CPVL: variants seen among roughly 807,000 people sequenced by gnomAD.
CPVL encodes the protein probable serine carboxypeptidase CPVL.
In CPVL, 51 loss-of-function variants were observed where a neutral mutation model predicts 63.7. That is an observed-to-expected ratio of 0.80 (90% confidence interval 0.64 to 1.01). The LOEUF is 1.01. Among genes scored for constraint, CPVL ranks in the 50% least tolerant of loss-of-function variants. The pLI, the probability that CPVL is intolerant of heterozygous loss-of-function variation, is 0.00. For missense variants in CPVL, 530 were observed against 573.1 expected, an observed-to-expected ratio of 0.92 and a Z score of 0.77; for synonymous variants, 195 against 206.0, an observed-to-expected ratio of 0.95 and a Z score of 0.46.
chr7:29,053,915 A>G (rs1008359489), intron 11 of CPVL, among the ~76,000 whole-genome samples: 3 of 151,794 alleles, frequency 2.0e-5, no homozygotes, highest in African/African-American at 4.8e-5. Flanking sequence ...AGAAAGAAAA[A>G]AGAAAAAGAA....
intron 9 of CPVL, among the ~76,000 whole-genome samples, chr7:29,069,978 C>T (rs1470548402): frequency 6.6e-6 from 1 of 152,156 alleles, no homozygotes; most frequent in Non-Finnish European, 1.5e-5. Flanking sequence ...CATTTATATT[C>T]CCCTGGGTTT....
chr7:29,177,544 G>A (rs143421568), intron 5 of CPVL, among the ~76,000 whole-genome samples: 178 of 150,400 alleles, frequency 1.2e-3, no homozygotes, highest in Non-Finnish European at 2.1e-3. Flanking sequence ...ATGACCCACC[G>A]TGCCTGGCCC....
intron 11 of CPVL, among the ~76,000 whole-genome samples, chr7:29,040,546 G>A (rs998753315): frequency 2.0e-5 from 3 of 152,118 alleles, no homozygotes; most frequent in Non-Finnish European, 2.9e-5. Context: ...GCTTGAAGAA[G>A]ACTGGTAGAA....
chr7:29,003,745 AGTGTTGGGGAGT>A (rs917114858), intron 12 of CPVL, among the ~76,000 whole-genome samples: 9 of 152,094 alleles, frequency 5.9e-5, no homozygotes, highest in African/African-American at 1.9e-4. Context: ...TTCCATGCAC[AGTGTTGGGGAGT>A]GGGGGATGGT....
chr7:29,167,054 G>T (rs1660762660), intron 5 of CPVL, among the ~76,000 whole-genome samples: 1 of 151,980 alleles, frequency 6.6e-6, no homozygotes, highest in Non-Finnish European at 1.5e-5. Context: ...AGTGAACAAT[G>T]TTTACAACTC....
intron 5 of CPVL, among the ~76,000 whole-genome samples, chr7:29,155,505 T>C (rs1794238302): frequency 1.3e-5 from 2 of 152,174 alleles, no homozygotes; most frequent in South Asian, 2.1e-4. Context: ...AACAGAAGAA[T>C]AGAGATGTTC....
intron 9 of CPVL, among the ~76,000 whole-genome samples, chr7:29,071,310 C>T (rs540856246): frequency 6.6e-6 from 1 of 152,298 alleles, no homozygotes. Flanking sequence ...AATCTTTGTT[C>T]CTGACACGTG....
chr7:29,188,192 C>T (rs973153602), intron 1 of CPVL, among the ~76,000 whole-genome samples: 23 of 152,194 alleles, frequency 1.5e-4, no homozygotes, highest in Non-Finnish European at 4.4e-5. Context: ...CCTAACTGGA[C>T]TTTTATGCTT....
At chr7:29,167,821 G>A (rs1220514170) in intron 5 of CPVL, among the ~76,000 whole-genome samples, 1 of 152,236 alleles carries the variant, frequency 6.6e-6, no homozygotes, top group African/African-American at 2.4e-5. Flanking sequence ...CTTGTTATGA[G>A]TGAGTTTGAC....
chr7:29,025,232 A>AGGTTCAATTGGC (rs1554328703), intron 12 of CPVL, among the ~76,000 whole-genome samples: 2 of 151,898 alleles, frequency 1.3e-5, no homozygotes, highest in African/African-American at 4.8e-5. Context: ...TAAAGGAAAG[A>AGGTTCAATTGGC]GGTTTAATTG....
At chr7:29,177,332 C>A (rs1182974302) in intron 5 of CPVL, among the ~76,000 whole-genome samples, 1 of 151,984 alleles carries the variant, frequency 6.6e-6, no homozygotes, top group Non-Finnish European at 1.5e-5. Flanking sequence ...CTGCTCACTG[C>A]AACCTCTGCC....
chr7:29,151,022 T>C (rs1004814892), upstream of CPVL, among the ~76,000 whole-genome samples: 12 of 152,306 alleles, frequency 7.9e-5, no homozygotes, highest in African/African-American at 2.9e-4. Flanking sequence ...GCTATAAGCA[T>C]TGAAGGCTTC....
At chr7:29,194,405 TCTC>T (rs1421157063) in intron 1 of CPVL, 1 of 152,322 alleles carries the variant, frequency 6.6e-6, no homozygotes, top group Admixed American at 6.5e-5. Flanking sequence ...AGCGACCGCG[TCTC>T]CTCTTCTTCC....
intron 7 of CPVL, among the ~76,000 whole-genome samples, chr7:29,081,156 G>A (rs1361512371): frequency 6.6e-6 from 1 of 152,202 alleles, no homozygotes; most frequent in Non-Finnish European, 1.5e-5. Context: ...ACAATTGAGA[G>A]GATGCTAAAT....
chr7:29,056,666 C>G (rs1342765986), intron 11 of CPVL, among the ~76,000 whole-genome samples: 2 of 152,110 alleles, frequency 1.3e-5, no homozygotes, highest in Non-Finnish European at 2.9e-5. Context: ...TGTGTGGACA[C>G]AAGCTTACAG....
At chr7:29,115,323 C>T (rs1013010804) in intron 2 of CPVL, among the ~76,000 whole-genome samples, 1 of 152,136 alleles carries the variant, frequency 6.6e-6, no homozygotes, top group African/African-American at 2.4e-5. Context: ...TTAATGCAAC[C>T]TCTGTTGGTC....
chr7:29,127,114 G>C (rs1359709091), intron 1 of CPVL, among the ~76,000 whole-genome samples: 1 of 152,206 alleles, frequency 6.6e-6, no homozygotes, highest in Non-Finnish European at 1.5e-5. Flanking sequence ...GTGGCAGGGA[G>C]AGAATGAGAA....
At chr7:29,027,268 A>G (rs1030020756) in intron 12 of CPVL, among the ~76,000 whole-genome samples, 16 of 152,194 alleles carry the variant, frequency 1.1e-4, no homozygotes, top group African/African-American at 3.4e-4. Flanking sequence ...TAAGAAAAAC[A>G]TCTGATAAAA....
intron 5 of CPVL, among the ~76,000 whole-genome samples, chr7:29,178,787 A>G (rs1797701478): frequency 6.6e-6 from 1 of 152,214 alleles, no homozygotes; most frequent in Non-Finnish European, 1.5e-5. Flanking sequence ...CTGCATTCAT[A>G]TGAAAAATGA....
Sources: allele counts gnomAD v4.1 joint callset (sites outside exome capture counted in the v4.1 genomes callset), GRCh38; gene constraint gnomAD v4.1.1; transcripts MANE v1.5; gene names NCBI Gene and HGNC (gene_info 2026-07-23, HGNC 2026-07-21).